Variants in UNC93A observed in about 807,000 individuals in gnomAD.
UNC93A encodes unc-93 homolog A.
In UNC93A, 43 loss-of-function variants were observed where a neutral mutation model predicts 47.5. The ratio of observed to expected loss-of-function variants is 0.91; its 90% CI spans 0.71 to 1.17. The LOEUF (loss-of-function observed/expected upper bound fraction) is 1.17, where lower values mean the gene tolerates loss of function less well. Among genes scored for constraint, UNC93A ranks in the 50% most tolerant of loss-of-function variants. The pLI is 0.00. For synonymous variants in UNC93A, 280 were observed against 258.0 expected (o/e 1.09, Z -0.82); for missense variants, 605 against 577.6 (o/e 1.05, Z -0.49).
chr6:167,303,079 G>A (rs530533982), intron 4 of UNC93A, among the ~76,000 whole-genome samples: 1 of 152,290 alleles, frequency 6.6e-6, no homozygotes, highest in Admixed American at 6.5e-5. Context: ...GTGGTTTCAG[G>A]CATCCGCTGG....
chr6:167,293,071 C>T (rs2981960), intron 1 of UNC93A, among the ~76,000 whole-genome samples: 37,790 of 152,070 alleles, frequency 0.25, 5,118 homozygotes, highest in East Asian at 0.37. Context: ...CAGGCTGTGA[C>T]GGCAGGACCC....
intron 1 of UNC93A, among the ~76,000 whole-genome samples, chr6:167,281,879 G>A (rs1783640220): frequency 6.6e-6 from 1 of 152,172 alleles, no homozygotes; most frequent in Admixed American, 6.5e-5. Context: ...CCTTTCAGAG[G>A]AGATAAGGAT....
chr6:167,308,706 G>T (rs1009011367), intron 7 of UNC93A, among the ~76,000 whole-genome samples: 2 of 152,056 alleles, frequency 1.3e-5, no homozygotes, highest in African/African-American at 4.8e-5. Flanking sequence ...GCCAGCATGT[G>T]GGGGAGGGTC....
intron 6 of UNC93A, among the ~76,000 whole-genome samples, chr6:167,306,656 G>A (rs558681882): frequency 3.3e-5 from 5 of 152,342 alleles, no homozygotes; most frequent in South Asian, 4.1e-4. Context: ...AAGGGCACAC[G>A]GTGAGCATCT....
chr6:167,273,089 G>T (rs548789460), intron 1 of UNC93A, among the ~76,000 whole-genome samples: 1 of 152,184 alleles, frequency 6.6e-6, no homozygotes, highest in Admixed American at 6.5e-5. Context: ...AGCCGCTAAC[G>T]TGAACGTGCT....
chr6:167,309,972 G>A (rs147814264), intron 7 of UNC93A, among the ~76,000 whole-genome samples: 1,900 of 152,236 alleles, frequency 0.012, 36 homozygotes, highest in African/African-American at 0.043. Context: ...CCGGGGCATT[G>A]CTTAACAGAA....
chr6:167,305,805 G>T, intron 5 of UNC93A, 110 bp from the exon 6 acceptor site: 1 of 1,491,478 alleles, frequency 6.7e-7, no homozygotes. Context: ...AGGCAACACT[G>T]GCCTGCTGGC....
At chr6:167,285,096 T>C (rs1217005441) in intron 1 of UNC93A, among the ~76,000 whole-genome samples, 2 of 152,102 alleles carry the variant, frequency 1.3e-5, no homozygotes, top group Non-Finnish European at 2.9e-5. Context: ...CCCTGCCAGG[T>C]GGCACCACTG....
intron 4 of UNC93A, among the ~76,000 whole-genome samples, chr6:167,300,278 AG>A (rs764749073): frequency 7.9e-5 from 12 of 152,150 alleles, no homozygotes; most frequent in Non-Finnish European, 1.6e-4. Flanking sequence ...GAAAAAGCAG[AG>A]GGAATTGTTA....
intron 3 of UNC93A, 65 bp downstream of exon 3, chr6:167,296,326 G>T (rs1173441279): frequency 3.2e-6 from 5 of 1,547,456 alleles, no homozygotes; most frequent in Non-Finnish European, 4.4e-6. Context: ...TGGGGGAGAG[G>T]GTTCCTGATT....
chr6:167,281,785 A>C (rs913138840), intron 1 of UNC93A, among the ~76,000 whole-genome samples: 1 of 152,200 alleles, frequency 6.6e-6, no homozygotes, highest in African/African-American at 2.4e-5. Flanking sequence ...AAGCTGGCCC[A>C]GCCCGGCCAG....
At chr6:167,306,347 G>A (rs1226694799) in intron 6 of UNC93A, among the ~76,000 whole-genome samples, 1 of 152,170 alleles carries the variant, frequency 6.6e-6, no homozygotes, top group Non-Finnish European at 1.5e-5. Flanking sequence ...GGCAGGGCAG[G>A]GTCTCTGCAG....
chr6:167,274,013 A>C (rs1454453212), intron 1 of UNC93A, among the ~76,000 whole-genome samples: 2 of 152,208 alleles, frequency 1.3e-5, no homozygotes. Flanking sequence ...GAAAGGGAAC[A>C]GGATTTTCTA....
At chr6:167,303,375 GCTT>G in intron 4 of UNC93A, among the ~76,000 whole-genome samples, 1 of 152,222 alleles carries the variant, frequency 6.6e-6, no homozygotes, top group East Asian at 1.9e-4. Context: ...TGTATAAAGA[GCTT>G]CTTTTTTATT....
At position 167,315,633 on chromosome 6, in the gene UNC93A, A is replaced by G; in HGVS notation, c.*181A>G. 2 of 734,994 alleles carry G rather than the reference A, an allele frequency of 2.7e-6. No homozygotes were observed. The highest frequency in any genetic ancestry group is 4.2e-6 in the Non-Finnish European group (2 of 471,952). The allele number at this position is 734,994 out of a possible 1,614,324, so 45.5% of individuals were successfully genotyped here. On this transcript the variant is annotated 3_prime_UTR_variant, in exon 8 of 8. Coordinates refer to ENST00000230256, the MANE Select transcript of UNC93A (RefSeq NM_018974.4). Reference sequence around the variant, plus strand: ...TTCTATTCTAACAAATTTTTCGTCCACCATCTTAACAGAGATCAAGTGTAT... The same window carrying G: ...TTCTATTCTAACAAATTTTTCGTCCGCCATCTTAACAGAGATCAAGTGTAT...
At chr6:167,314,499 C>T (rs1325551449) in intron 7 of UNC93A, among the ~76,000 whole-genome samples, 5 of 152,150 alleles carry the variant, frequency 3.3e-5, no homozygotes, top group Admixed American at 3.3e-4. Context: ...TCTCTGTGGC[C>T]AGCAGCCTGG....
At chr6:167,308,788 G>A (rs550495526) in intron 7 of UNC93A, among the ~76,000 whole-genome samples, 2 of 152,174 alleles carry the variant, frequency 1.3e-5, no homozygotes, top group Admixed American at 6.5e-5. Context: ...ATGTGGAGTC[G>A]GCCCCGTGTC....
chr6:167,281,256 C>T (rs1783629069), intron 1 of UNC93A, among the ~76,000 whole-genome samples: 1 of 151,850 alleles, frequency 6.6e-6, no homozygotes, highest in Non-Finnish European at 1.5e-5. Context: ...GGAGGTCATC[C>T]CACGGAGAGG....
At chr6:167,302,786 G>C (rs1778278357) in intron 4 of UNC93A, among the ~76,000 whole-genome samples, 1 of 152,142 alleles carries the variant, frequency 6.6e-6, no homozygotes, top group African/African-American at 2.4e-5. Flanking sequence ...AGTCCCCCTT[G>C]TCCCCATTTC....
Sources: gnomAD v4.1 joint callset for allele counts (sites outside exome capture counted in the v4.1 genomes callset) on GRCh38, gnomAD v4.1.1 for gene constraint, MANE v1.5 for transcripts, NCBI Gene and HGNC (gene_info 2026-07-23, HGNC 2026-07-21) for gene names.